NUP210: variants seen among roughly 807,000 people sequenced by gnomAD.
NUP210 encodes nucleoporin 210.
A neutral mutation model predicts 196.0 loss-of-function variants in NUP210; 151 were observed. That is an observed-to-expected ratio of 0.77 (90% CI 0.67 to 0.88). The LOEUF (loss-of-function observed/expected upper bound fraction) is 0.88, where lower values mean the gene tolerates loss of function less well. NUP210 is among the 40% of genes least tolerant of loss of function. NUP210 has a pLI of 0.00. For synonymous variants in NUP210, 1,070 were observed against 1,052.7 expected, an observed-to-expected ratio of 1.02 and a Z score of -0.32; for missense variants, 2,314 against 2,493.7, an observed-to-expected ratio of 0.93 and a Z score of 1.53.
chr3:13,393,028 AC>A (rs1699541453), intron 3 of NUP210, among the ~76,000 whole-genome samples: 1 of 152,224 alleles, frequency 6.6e-6, no homozygotes, highest in Admixed American at 6.5e-5. Context: ...AAGACTGCAG[AC>A]CACTAGGCAG....
At position 13,342,137 on chromosome 3, in the gene NUP210, A is replaced by C. The variant is rs769013305; in HGVS notation, c.2965-14T>G. On this transcript the variant is annotated splice_polypyrimidine_tract_variant and intron_variant, in intron 21 of 39. Coordinates refer to ENST00000254508, the MANE Select transcript of NUP210 (RefSeq NM_024923.4). Reference sequence around the variant, plus strand: ...CCCAATCTCCACCTGCATCATGGGGACAGAGGTTCAGGGGCAGCCTCCAAA... The same window carrying C: ...CCCAATCTCCACCTGCATCATGGGGCCAGAGGTTCAGGGGCAGCCTCCAAA... 61 of 1,613,706 alleles carry C rather than the reference A, an allele frequency of 3.8e-5. No individual in the cohort carries two copies. The highest frequency in any genetic ancestry group is 3.0e-5 in the Non-Finnish European group (35 of 1,179,842).
rs1360982580 is a variant in NUP210, at chr3:13,360,446, T to C, written c.1978A>G (p.Lys660Glu). Residue 660 changes from lysine (K) to glutamate (E), a missense_variant, in exon 15 of 40, where the codon AAG becomes GAG. By Grantham distance (56) the Lys-to-Glu change is moderately conservative. Transcript: ENST00000254508. ...GGACCTCCTTCAAACAGCATCTCCT[T>C]TGAGGAGCCCAGGGTTACCAAGGCA... ...SVALVTLGSS[K>E]EMLFEGGPRP... 6.2e-7 allele frequency: 1 copy of C among 1,613,322 alleles called. No individual in the cohort carries two copies. Among genetic ancestry groups the C allele is most frequent in the African/African-American group, 1.3e-5 (1 of 74,900 alleles).
At chr3:13,329,699 G>C (rs924940990) in intron 30 of NUP210, among the ~76,000 whole-genome samples, 2 of 152,226 alleles carry the variant, frequency 1.3e-5, no homozygotes, top group Admixed American at 1.3e-4. Context: ...ATTTAAGTGA[G>C]TGTGTGTCTT....
intron 27 of NUP210, 40 bp downstream of exon 27, chr3:13,336,747 C>T (rs1227641741): frequency 6.3e-7 from 1 of 1,599,788 alleles, no homozygotes; most frequent in African/African-American, 1.3e-5. Context: ...TGGCCTGGGA[C>T]AGGGGTGGGA....
Position 13,340,906 on chromosome 3 carries a change from C to T in NUP210, c.3229-608G>A, listed in dbSNP as rs558971143. Among the ~76,000 whole-genome samples the T allele has an allele frequency of 8.5e-4, 130 of 152,252 alleles. No individual in the cohort carries two copies. Among genetic ancestry groups the T allele is most frequent in the African/African-American group, 2.8e-3 (118 of 41,532 alleles). On this transcript the variant is annotated intron_variant, in intron 23 of 39. Coordinates refer to ENST00000254508, the MANE Select transcript of NUP210 (RefSeq NM_024923.4). The surrounding 1 kb of genome is among the most constrained non-coding windows in gnomAD (Gnocchi z 4.0). ...TGCCTGGCAAGAGTAGGTGAGTGGA[C>T]GCAGGAGGTGGCCAGGGTGCTACTT...
rs748465851 is a variant in NUP210 at position 13,395,467 on chromosome 3, G to A, written c.436+1890C>T. 2.0e-4 allele frequency among the ~76,000 whole-genome samples: 31 copies of A among 152,218 alleles called. 3 individuals carry two copies. Among genetic ancestry groups the A allele is most frequent in the Middle Eastern group, 3.4e-3 (1 of 294 alleles). ...TGAGTAACTGGGACTACAGGTGTGC[G>A]CCACCACGCCTGGCTTATTTTTATA... On this transcript the variant is annotated intron_variant, in intron 3 of 39. Coordinates refer to ENST00000254508, the MANE Select transcript of NUP210 (RefSeq NM_024923.4).
chr3:13,366,552 C>CT (rs1698545151), intron 13 of NUP210, among the ~76,000 whole-genome samples: 1 of 137,678 alleles, frequency 7.3e-6, no homozygotes. Flanking sequence ...GAGTCTCACT[C>CT]TGTCTCCCAG....
intron 15 of NUP210, among the ~76,000 whole-genome samples, chr3:13,358,811 T>A (rs1172526333): frequency 6.6e-6 from 1 of 152,204 alleles, no homozygotes; most frequent in Non-Finnish European, 1.5e-5. Context: ...TGCAGAATGA[T>A]GACAGGGCAA....
Position 13,317,505 on chromosome 3 carries a change from A to G in NUP210, c.*176T>C. 2 of 598,336 alleles carry G rather than the reference A, an allele frequency of 3.3e-6. No individual in the cohort carries two copies. Among genetic ancestry groups the G allele is most frequent in the Non-Finnish European group, 6.0e-6 (2 of 335,496 alleles). 37.1% of individuals were successfully genotyped at this position (598,336 alleles called of 1,614,324 possible). A position where few individuals can be genotyped will look rare whatever the true frequency, so the allele number is the denominator to read the frequency against. On this transcript the variant is annotated 3_prime_UTR_variant, in exon 40 of 40. Coordinates refer to ENST00000254508, the MANE Select transcript of NUP210 (RefSeq NM_024923.4). ...ACATTTAAAACTCCTACATAAAATG[A>G]GCTAATGGGCAGAGCCGAAACTACA...
intron 1 of NUP210, among the ~76,000 whole-genome samples, chr3:13,400,862 C>T (rs543689807): frequency 2.0e-5 from 3 of 152,290 alleles, no homozygotes; most frequent in Admixed American, 1.3e-4. Context: ...GCAGACACTC[C>T]GGGGTCTCTG....
chr3:13,371,187 G>A (rs1448732781), intron 13 of NUP210, among the ~76,000 whole-genome samples: 1 of 152,138 alleles, frequency 6.6e-6, no homozygotes, highest in East Asian at 1.9e-4. Context: ...TAAAGCCACA[G>A]GGTCAGTGTC....
intron 1 of NUP210, among the ~76,000 whole-genome samples, chr3:13,402,217 A>C (rs1042539669): frequency 6.6e-6 from 1 of 152,140 alleles, no homozygotes; most frequent in African/African-American, 2.4e-5. Context: ...AAACAAGTAG[A>C]ATAAATGAAT....
chr3:13,401,928 C>G (rs567282536), intron 1 of NUP210, among the ~76,000 whole-genome samples: 1 of 151,850 alleles, frequency 6.6e-6, no homozygotes, highest in Admixed American at 6.6e-5. Context: ...GGTGCAGTGG[C>G]TCATGCCTCT....
intron 4 of NUP210, among the ~76,000 whole-genome samples, chr3:13,390,018 G>T (rs1699434636): frequency 6.6e-6 from 1 of 152,186 alleles, no homozygotes; most frequent in Non-Finnish European, 1.5e-5. Context: ...GAGACTAAGA[G>T]AAACAGGACA....
Position 13,377,539 on chromosome 3 carries a change from T to A in NUP210, c.1069A>T (p.Arg357Trp). The A allele has an allele frequency of 8.1e-6, 13 of 1,613,762 alleles. No homozygotes were observed. The highest frequency in any genetic ancestry group is 1.1e-5 in the Non-Finnish European group (13 of 1,179,748). ...YLGFTVHPGD[R>W]WVLETGRLYE... Reference sequence around the variant, plus strand: ...AGGCGGCCGGTCTCCAGCACCCACCTGTCACCAGGGTGAACAGTGAACCCT... The same window carrying A: ...AGGCGGCCGGTCTCCAGCACCCACCAGTCACCAGGGTGAACAGTGAACCCT... Residue 357 changes from arginine (R) to tryptophan (W), a missense_variant, in exon 9 of 40, where the codon AGG becomes TGG. Arg to Trp is a moderately radical substitution (Grantham distance 101). Coordinates refer to ENST00000254508, the MANE Select transcript of NUP210 (RefSeq NM_024923.4).
At chr3:13,320,729 C>T (rs996625110) in intron 36 of NUP210, among the ~76,000 whole-genome samples, 1 of 145,152 alleles carries the variant, frequency 6.9e-6, no homozygotes, top group Non-Finnish European at 1.5e-5. Context: ...AACCCCGTCT[C>T]TACTAAAAAA....
At chr3:13,354,895 G>A (rs1423306671) in intron 16 of NUP210, among the ~76,000 whole-genome samples, 2 of 152,202 alleles carry the variant, frequency 1.3e-5, no homozygotes, top group Non-Finnish European at 2.9e-5. Context: ...TCCCCGAGCG[G>A]ACTCTCCCCT....
intron 16 of NUP210, among the ~76,000 whole-genome samples, chr3:13,357,036 C>A (rs1387952026): frequency 6.6e-6 from 1 of 152,246 alleles, no homozygotes; most frequent in Non-Finnish European, 1.5e-5. Flanking sequence ...CTGAGCTGAG[C>A]AGGCTGCCTG....
intron 9 of NUP210, 78 bp from the exon 10 acceptor site, chr3:13,376,509 G>A (rs866893786): frequency 3.8e-6 from 6 of 1,562,972 alleles, no homozygotes; most frequent in East Asian, 4.5e-5. Flanking sequence ...CGAAGCTACA[G>A]GACTGAAACC....
Sources: gnomAD v4.1 joint callset for allele counts (sites outside exome capture counted in the v4.1 genomes callset) on GRCh38, gnomAD v4.1.1 for gene constraint, Gnocchi (gnomAD v3.1) non-coding constraint, MANE v1.5 for transcripts, NCBI Gene and HGNC (gene_info 2026-07-23, HGNC 2026-07-21) for gene names.